CACNA2D3: variants seen among roughly 807,000 people sequenced by gnomAD.
CACNA2D3 encodes the protein voltage-dependent calcium channel subunit alpha-2/delta-3.
A neutral mutation model predicts 160.6 loss-of-function variants in CACNA2D3; 60 were observed. That is an observed-to-expected ratio of 0.37 (90% CI 0.30 to 0.46). The LOEUF is 0.46. Ranked by LOEUF, CACNA2D3 falls within the 20% of genes least tolerant of loss-of-function variation. CACNA2D3 has a pLI of 1.00. For synonymous variants in CACNA2D3, 558 were observed against 492.9 expected (o/e 1.13, Z -1.75); for missense variants, 1,205 against 1,365.0 (o/e 0.88, Z 1.85).
rs917835778 is a variant in CACNA2D3 at position 54,888,009 on chromosome 3, C to T, written c.2107C>T (p.Pro703Ser). ...EVLFDAVVSA[P>S]IEAYWTSLAL... ...CCTTTTTGACGCGGTGGTGAGTGCC[C>T]CCATTGAAGCGTATTGGACCAGCCT... The change falls in exon 24 of 38, where the codon CCC becomes TCC. Residue 703 changes from proline to serine, a missense_variant. Coordinates refer to ENST00000474759, the MANE Select transcript of CACNA2D3 (RefSeq NM_018398.3). The T allele has an allele frequency of 6.2e-7, 1 of 1,613,840 alleles. No individual in the cohort carries two copies.
intron 2 of CACNA2D3, among the ~76,000 whole-genome samples, chr3:54,138,524 C>A (rs1186995407): frequency 6.6e-6 from 1 of 152,250 alleles, no homozygotes; most frequent in Non-Finnish European, 1.5e-5. Context: ...TGTTATTGTA[C>A]TTGCTGGACA....
chr3:54,616,911 G>C (rs1457929557), intron 9 of CACNA2D3, among the ~76,000 whole-genome samples: 2 of 152,074 alleles, frequency 1.3e-5, no homozygotes, highest in Non-Finnish European at 2.9e-5. Context: ...GGTGTGTAGA[G>C]GGCACCCAGA....
intron 35 of CACNA2D3, among the ~76,000 whole-genome samples, chr3:55,051,661 T>C (rs2107206328): frequency 6.6e-6 from 1 of 152,316 alleles, no homozygotes; most frequent in African/African-American, 2.4e-5. Flanking sequence ...CTGCTTTGTT[T>C]ACCTAAGCAA....
intron 11 of CACNA2D3, among the ~76,000 whole-genome samples, chr3:54,687,853 C>T (rs1700498826): frequency 6.6e-6 from 1 of 152,188 alleles, no homozygotes; most frequent in Non-Finnish European, 1.5e-5. Context: ...TATATGCTGT[C>T]ACTAGAACGA....
At chr3:54,931,459 C>G (rs976196160) in intron 27 of CACNA2D3, among the ~76,000 whole-genome samples, 2 of 152,136 alleles carry the variant, frequency 1.3e-5, no homozygotes, top group Non-Finnish European at 2.9e-5. Flanking sequence ...TTTCTTTCTC[C>G]CTCCCTCCCG....
chr3:54,876,674 C>A (rs1442039448), intron 18 of CACNA2D3, among the ~76,000 whole-genome samples: 1 of 152,210 alleles, frequency 6.6e-6, no homozygotes, highest in East Asian at 1.9e-4. Flanking sequence ...CCTCGTTACC[C>A]TGGGCAAACT....
At chr3:54,308,602 C>T (rs553610011) in intron 2 of CACNA2D3, among the ~76,000 whole-genome samples, 7 of 152,222 alleles carry the variant, frequency 4.6e-5, no homozygotes, top group East Asian at 3.9e-4. Flanking sequence ...TGTGTGAAGC[C>T]GCTGAGATAT....
chr3:54,838,031 A>C (rs941679684), intron 15 of CACNA2D3, among the ~76,000 whole-genome samples: 1 of 152,154 alleles, frequency 6.6e-6, no homozygotes, highest in Non-Finnish European at 1.5e-5. Context: ...GCAAATCACA[A>C]TGGCTACATG....
intron 2 of CACNA2D3, among the ~76,000 whole-genome samples, chr3:54,144,054 A>G (rs1192796334): frequency 4.6e-5 from 7 of 152,226 alleles, no homozygotes; most frequent in Non-Finnish European, 8.8e-5. Context: ...AAAGAAAGAA[A>G]TTTCTGAATC....
chr3:55,035,831 C>T (rs1248992525), intron 35 of CACNA2D3, among the ~76,000 whole-genome samples: 2 of 152,124 alleles, frequency 1.3e-5, no homozygotes, highest in African/African-American at 4.8e-5. Context: ...AAAATGCTTT[C>T]CGGCTATGGT....
intron 11 of CACNA2D3, among the ~76,000 whole-genome samples, chr3:54,728,650 C>T (rs1489334325): frequency 6.6e-6 from 1 of 152,160 alleles, no homozygotes; most frequent in Non-Finnish European, 1.5e-5. Flanking sequence ...TTTGGATGTT[C>T]TTATCTTCCT....
At chr3:55,074,011 G>A in intron 37 of CACNA2D3, 103 bp from the exon 38 acceptor site, 1 of 1,149,094 alleles carries the variant, frequency 8.7e-7, no homozygotes, top group Non-Finnish European at 1.3e-6. Flanking sequence ...CTAGGTCCCA[G>A]AAGACTTCGT....
intron 11 of CACNA2D3, among the ~76,000 whole-genome samples, chr3:54,711,538 A>G (rs1329728541): frequency 6.6e-6 from 1 of 152,190 alleles, no homozygotes; most frequent in Admixed American, 6.5e-5. Flanking sequence ...CTACCCCCAC[A>G]CAGGCACCTC....
At chr3:55,031,375 A>G (rs1484349177) in intron 35 of CACNA2D3, among the ~76,000 whole-genome samples, 1 of 152,184 alleles carries the variant, frequency 6.6e-6, no homozygotes, top group East Asian at 1.9e-4. Context: ...TTCAGCTTGG[A>G]AAGAGTTTAT....
chr3:54,925,096 C>A (rs3806633), intron 27 of CACNA2D3: 1 of 1,614,050 alleles, frequency 6.2e-7, no homozygotes, highest in Non-Finnish European at 8.5e-7. Context: ...GAAGGGATTT[C>A]GGCCAGACCC....
At chr3:54,528,161 A>T (rs1339902755) in intron 5 of CACNA2D3, among the ~76,000 whole-genome samples, 2 of 152,116 alleles carry the variant, frequency 1.3e-5, no homozygotes, top group African/African-American at 4.8e-5. Context: ...GTGTGCAGCC[A>T]GGGTTACGGT....
chr3:54,416,141 C>T (rs369819930), intron 4 of CACNA2D3, among the ~76,000 whole-genome samples: 11 of 152,312 alleles, frequency 7.2e-5, no homozygotes, highest in African/African-American at 2.4e-4. Context: ...CTCCACATAG[C>T]ACGTGTAATC....
Position 54,879,374 on chromosome 3 carries a change from GACT to G in CACNA2D3, c.1812_1814del (p.Tyr606del), listed in dbSNP as rs1699739657. ...GAAACGGGTTTTGGTGATGACAAAT[GACT>G]ACTATTATACAGACATCAAGGGTAC... On this transcript the variant is annotated inframe_deletion, in exon 20 of 38. Transcript: ENST00000474759. The G allele has an allele frequency of 1.2e-6, 2 of 1,600,510 alleles. No individual in the cohort carries two copies. The highest frequency in any genetic ancestry group is 1.4e-5 in the African/African-American group (1 of 73,378).
At chr3:54,416,770 C>T (rs934292407) in intron 4 of CACNA2D3, among the ~76,000 whole-genome samples, 1 of 151,886 alleles carries the variant, frequency 6.6e-6, no homozygotes, top group African/African-American at 2.4e-5. Flanking sequence ...ACTTAATATG[C>T]AATTATAAAT....
Sources: allele counts gnomAD v4.1 joint callset (sites outside exome capture counted in the v4.1 genomes callset), GRCh38; gene constraint gnomAD v4.1.1; transcripts MANE v1.5; gene names NCBI Gene and HGNC (gene_info 2026-07-23, HGNC 2026-07-21).